TNIK: variants seen among roughly 807,000 people sequenced by gnomAD.
TNIK encodes the protein TRAF2 and NCK interacting kinase, also known as TRAF2 and NCK-interacting protein kinase.
TNIK carries 49 observed loss-of-function variants against 191.3 expected under a neutral mutation model. The observed-to-expected ratio is 0.26, with a 90% confidence interval of 0.20 to 0.32. The LOEUF is 0.32. TNIK is among the 10% of genes least tolerant of loss of function. The probability of loss-of-function intolerance (pLI) is 1.00; values close to 1 mark genes in which losing one functional copy is unlikely to be tolerated. For missense variants in TNIK, 1,155 were observed against 1,702.3 expected, an observed-to-expected ratio of 0.68 and a Z score of 5.66; for synonymous variants, 594 against 600.9, an observed-to-expected ratio of 0.99 and a Z score of 0.17.
intron 12 of TNIK, among the ~76,000 whole-genome samples, chr3:171,140,740 T>C (rs1730705802): frequency 6.6e-6 from 1 of 152,116 alleles, no homozygotes; most frequent in African/African-American, 2.4e-5. Flanking sequence ...GTAAGTAGAC[T>C]CTCACCAAGA....
At chr3:171,148,401 C>T (rs1731935929) in intron 12 of TNIK, among the ~76,000 whole-genome samples, 1 of 152,194 alleles carries the variant, frequency 6.6e-6, no homozygotes, top group Admixed American at 6.5e-5. Context: ...TCAGTTTCTC[C>T]TGGGAGAACA....
intron 2 of TNIK, among the ~76,000 whole-genome samples, chr3:171,321,395 G>A (rs778475795): frequency 3.3e-5 from 5 of 152,134 alleles, no homozygotes; most frequent in Non-Finnish European, 5.9e-5. Flanking sequence ...TTTCTTCATC[G>A]TCTTAGGTCT....
At chr3:171,287,999 TGAG>T (rs2108223264) in intron 2 of TNIK, among the ~76,000 whole-genome samples, 1 of 150,720 alleles carries the variant, frequency 6.6e-6, no homozygotes, top group East Asian at 1.9e-4. Flanking sequence ...TAAAAAATGA[TGAG>T]TTCATGTCCT....
intron 12 of TNIK, among the ~76,000 whole-genome samples, chr3:171,153,066 G>C (rs1293503190): frequency 6.6e-6 from 1 of 152,078 alleles, no homozygotes; most frequent in African/African-American, 2.4e-5. Flanking sequence ...GAGCCACTGC[G>C]CCCGGCCAAA....
intron 3 of TNIK, among the ~76,000 whole-genome samples, chr3:171,217,566 G>A (rs1372566630): frequency 1.3e-5 from 2 of 151,868 alleles, no homozygotes; most frequent in East Asian, 3.9e-4. Context: ...AAAAAGTAAA[G>A]AAGAAAAAAG....
At chr3:171,174,655 T>C (rs1262935328) in intron 9 of TNIK, among the ~76,000 whole-genome samples, 1 of 152,216 alleles carries the variant, frequency 6.6e-6, no homozygotes, top group East Asian at 1.9e-4. Flanking sequence ...CATACTAGTA[T>C]TCATGTAGTA....
At chr3:171,141,302 G>C (rs892186043) in intron 12 of TNIK, among the ~76,000 whole-genome samples, 1 of 152,200 alleles carries the variant, frequency 6.6e-6, no homozygotes, top group Non-Finnish European at 1.5e-5. Flanking sequence ...GGTACGGAGA[G>C]ATTAAGTAAT....
chr3:171,343,800 AT>A (rs1711692951), intron 2 of TNIK, among the ~76,000 whole-genome samples: 1 of 152,194 alleles, frequency 6.6e-6, no homozygotes, highest in Non-Finnish European at 1.5e-5. Context: ...TCAATGTATC[AT>A]CACAACCAAG....
chr3:171,324,543 C>T (rs193181086), intron 2 of TNIK, among the ~76,000 whole-genome samples: 6 of 152,002 alleles, frequency 3.9e-5, no homozygotes, highest in Non-Finnish European at 1.5e-5. Context: ...CCTGAGCTGG[C>T]GAGGGTCAGG....
chr3:171,213,851 A>G (rs1392122376), intron 3 of TNIK, among the ~76,000 whole-genome samples: 1 of 152,184 alleles, frequency 6.6e-6, no homozygotes, highest in Non-Finnish European at 1.5e-5. Context: ...TTTCTCATTT[A>G]TAATGAGATA....
At chr3:171,368,666 C>T (rs1716071290) in intron 2 of TNIK, among the ~76,000 whole-genome samples, 1 of 152,114 alleles carries the variant, frequency 6.6e-6, no homozygotes, top group Non-Finnish European at 1.5e-5. Context: ...TTTTGACATT[C>T]TGCAGAATTG....
At chr3:171,237,037 C>G (rs1046407742) in intron 2 of TNIK, among the ~76,000 whole-genome samples, 1 of 152,202 alleles carries the variant, frequency 6.6e-6, no homozygotes, top group Admixed American at 6.5e-5. Context: ...AGTCCTGTCT[C>G]ATTCACTTAA....
intron 2 of TNIK, among the ~76,000 whole-genome samples, chr3:171,286,205 TCTC>T (rs902512469): frequency 5.9e-5 from 9 of 152,176 alleles, no homozygotes; most frequent in South Asian, 4.1e-4. Context: ...TTTAAAAACT[TCTC>T]CTTCTCCTCC....
At chr3:171,075,738 AT>A (rs1293168608) in intron 28 of TNIK, among the ~76,000 whole-genome samples, 448 of 138,002 alleles carry the variant, frequency 3.2e-3, no homozygotes, top group African/African-American at 8.9e-3. Flanking sequence ...AAAAGCTGCT[AT>A]TTTTTTTTTT....
intron 1 of TNIK, among the ~76,000 whole-genome samples, chr3:171,431,003 T>C (rs1032297955): frequency 1.3e-5 from 2 of 152,176 alleles, no homozygotes; most frequent in African/African-American, 2.4e-5. Context: ...TTTAACATTA[T>C]GCTTTGAAGA....
At chr3:171,248,926 C>A (rs1252773897) in intron 2 of TNIK, among the ~76,000 whole-genome samples, 1 of 152,052 alleles carries the variant, frequency 6.6e-6, no homozygotes, top group Non-Finnish European at 1.5e-5. Flanking sequence ...TTCTTTCAGC[C>A]TTTGAATAAG....
chr3:171,120,779 C>T (rs1031475391), intron 18 of TNIK, among the ~76,000 whole-genome samples: 1 of 152,074 alleles, frequency 6.6e-6, no homozygotes, highest in African/African-American at 2.4e-5. Context: ...ATTGTGGTCC[C>T]TAAGTTTGCC....
Position 171,366,357 on chromosome 3 carries a change from C to T in TNIK, c.123+3263G>A, listed in dbSNP as rs1715722393. ...TAACCTTGCCCAAAACAGGAATAAGCTAAAATTGGGAGTAAGACTAGAAGC... is the reference window on the plus strand; with the variant it reads ...TAACCTTGCCCAAAACAGGAATAAGTTAAAATTGGGAGTAAGACTAGAAGC... On this transcript the variant is annotated intron_variant, in intron 2 of 32. Coordinates refer to ENST00000436636, the MANE Select transcript of TNIK (RefSeq NM_015028.4). This position sits in a 1 kb window ranked among gnomAD's most constrained non-coding sequence, Gnocchi z 4.1. Among the ~76,000 whole-genome samples the T allele has an allele frequency of 6.6e-6, 1 of 152,052 alleles. No individual in the cohort carries two copies. Among genetic ancestry groups the T allele is most frequent in the Non-Finnish European group, 1.5e-5 (1 of 67,976 alleles).
intron 27 of TNIK, 141 bp from the exon 28 acceptor site, chr3:171,079,793 CTT>C: frequency 9.6e-7 from 1 of 1,044,916 alleles, no homozygotes; most frequent in Non-Finnish European, 1.3e-6. Context: ...GTCCCCAGCA[CTT>C]TGTCATTAAA....
Sources: gnomAD v4.1 joint callset for allele counts (sites outside exome capture counted in the v4.1 genomes callset) on GRCh38, gnomAD v4.1.1 for gene constraint, Gnocchi (gnomAD v3.1) non-coding constraint, MANE v1.5 for transcripts, NCBI Gene and HGNC (gene_info 2026-07-23, HGNC 2026-07-21) for gene names.